Variants in LGR4 observed in about 807,000 individuals in gnomAD.
The protein encoded by LGR4 is leucine-rich repeat-containing G protein-coupled receptor 4.
A neutral mutation model predicts 84.8 loss-of-function variants in LGR4; 44 were observed. That is an observed-to-expected ratio of 0.52 (90% CI 0.41 to 0.67). The LOEUF (loss-of-function observed/expected upper bound fraction) is 0.67, where lower values mean the gene tolerates loss of function less well. Ranked by LOEUF, LGR4 falls within the 30% of genes least tolerant of loss-of-function variation. The pLI, the probability that LGR4 is intolerant of heterozygous loss-of-function variation, is 0.00. For missense variants in LGR4, 1,032 were observed against 1,131.4 expected, an observed-to-expected ratio of 0.91 and a Z score of 1.26; for synonymous variants, 429 against 434.3, an observed-to-expected ratio of 0.99 and a Z score of 0.15.
At chr11:27,407,987 G>T (rs1209431241) in intron 2 of LGR4, among the ~76,000 whole-genome samples, 1 of 152,088 alleles carries the variant, frequency 6.6e-6, no homozygotes, top group African/African-American at 2.4e-5. Context: ...GCAATATTTT[G>T]AAAGTCTGAA....
At chr11:27,449,273 AAT>A (rs141134470) in intron 1 of LGR4, among the ~76,000 whole-genome samples, 22,605 of 152,146 alleles carry the variant, frequency 0.15, 2,111 homozygotes, top group Non-Finnish European at 0.21. Context: ...GTTTAACAAA[AAT>A]CTATTCAATC....
At chr11:27,398,585 G>GC (rs368017693) in intron 2 of LGR4, among the ~76,000 whole-genome samples, 32 of 152,302 alleles carry the variant, frequency 2.1e-4, no homozygotes, top group African/African-American at 7.2e-4. Flanking sequence ...AGCAGCTGTT[G>GC]CGAGGAGACG....
chr11:27,463,809 A>C lies in LGR4; in HGVS notation c.185+8309T>G, dbSNP rs531334743. Reference sequence around the variant, plus strand: ...CTCAAAAAAACAAAACAAAACAAAAAAAATGACAGAAACATATTTGAAATG... The same window carrying C: ...CTCAAAAAAACAAAACAAAACAAAACAAATGACAGAAACATATTTGAAATG... On this transcript the variant is annotated intron_variant, in intron 1 of 17. Coordinates refer to ENST00000379214, the MANE Select transcript of LGR4 (RefSeq NM_018490.5). Among the ~76,000 whole-genome samples the C allele has an allele frequency of 3.3e-3, 499 of 152,288 alleles. 3 individuals are homozygous for C. The highest frequency in any genetic ancestry group is 0.011 in the African/African-American group (462 of 41,546).
intron 11 of LGR4, 110 bp downstream of exon 11, chr11:27,378,587 T>A (rs552395990): frequency 3.5e-5 from 27 of 766,474 alleles, no homozygotes; most frequent in Middle Eastern, 4.7e-4. Context: ...AACTAAGAAG[T>A]AATTATACCT....
At chr11:27,373,856 A>G in intron 14 of LGR4, 119 bp downstream of exon 14, 1 of 1,005,044 alleles carries the variant, frequency 9.9e-7, no homozygotes, top group Non-Finnish European at 1.5e-6. Flanking sequence ...AATACAGCTT[A>G]GCATTTATAC....
intron 1 of LGR4, among the ~76,000 whole-genome samples, chr11:27,441,503 A>C (rs1022444230): frequency 6.6e-6 from 1 of 152,236 alleles, no homozygotes; most frequent in African/African-American, 2.4e-5. Flanking sequence ...AAGAGGGTTA[A>C]GGACACTGAG....
chr11:27,472,084 C>T (rs771020541), intron 1 of LGR4, 34 bp downstream of exon 1: 9 of 133,902 alleles, frequency 6.7e-5, no homozygotes, highest in Non-Finnish European at 9.5e-5. Context: ...CCCGTTTCCT[C>T]CCCCCCCCTC....
chr11:27,396,869 G>C (rs1383326321), intron 2 of LGR4, among the ~76,000 whole-genome samples: 1 of 152,148 alleles, frequency 6.6e-6, no homozygotes, highest in Non-Finnish European at 1.5e-5. Context: ...ATGGTTTTCT[G>C]TTTGTGAAGG....
chr11:27,406,214 C>A (rs1863605451), intron 2 of LGR4, among the ~76,000 whole-genome samples: 1 of 152,140 alleles, frequency 6.6e-6, no homozygotes, highest in African/African-American at 2.4e-5. Flanking sequence ...AATTTTCCTT[C>A]CAATTTGAAT....
intron 1 of LGR4, among the ~76,000 whole-genome samples, chr11:27,452,469 A>T (rs1354108544): frequency 6.6e-6 from 1 of 152,124 alleles, no homozygotes; most frequent in Admixed American, 6.6e-5. Context: ...ATGGTAAGGA[A>T]CTGCTCCACC....
chr11:27,383,832 G>A (rs970647496), intron 6 of LGR4, among the ~76,000 whole-genome samples: 1 of 152,182 alleles, frequency 6.6e-6, no homozygotes, highest in Non-Finnish European at 1.5e-5. Flanking sequence ...GTGGTGCAAT[G>A]TACAGTTGAA....
intron 3 of LGR4, among the ~76,000 whole-genome samples, chr11:27,392,218 G>A (rs1011112169): frequency 3.7e-4 from 56 of 152,068 alleles, no homozygotes; most frequent in Admixed American, 3.7e-3. Flanking sequence ...ACATTCAACC[G>A]TAATATACTG....
chr11:27,378,289 GC>G (rs1863027286), intron 11 of LGR4, among the ~76,000 whole-genome samples: 1 of 152,044 alleles, frequency 6.6e-6, no homozygotes, highest in Non-Finnish European at 1.5e-5. Context: ...TTCTAGGTCA[GC>G]CTAAAGTTTT....
chr11:27,384,888 A>C (rs1863158756), intron 5 of LGR4, among the ~76,000 whole-genome samples: 1 of 152,146 alleles, frequency 6.6e-6, no homozygotes, highest in African/African-American at 2.4e-5. Flanking sequence ...CTCTCTGAAC[A>C]AGTGGAAAAC....
intron 1 of LGR4, among the ~76,000 whole-genome samples, chr11:27,418,763 A>T (rs552641847): frequency 4.7e-4 from 72 of 152,262 alleles, no homozygotes; most frequent in African/African-American, 1.5e-3. Flanking sequence ...AAATGAATTT[A>T]AAAAAACTTG....
chr11:27,439,684 T>C lies in LGR4; in HGVS notation c.186-26824A>G, dbSNP rs79430566. Among the ~76,000 whole-genome samples, 336 of 152,256 alleles carry C rather than the reference T, an allele frequency of 2.2e-3. 1 individual carries two copies. The highest frequency in any genetic ancestry group is 7.9e-3 in the African/African-American group (330 of 41,554). The stretch of plus-strand genomic sequence containing the variant: ...CCACAGAAACTATGTCATTTAACAT[T>C]CCCTTGGGTGCATTTTTACTCGGCA... On this transcript the variant is annotated intron_variant, in intron 1 of 17. Coordinates refer to ENST00000379214, the MANE Select transcript of LGR4 (RefSeq NM_018490.5).
intron 1 of LGR4, among the ~76,000 whole-genome samples, chr11:27,427,463 G>A (rs1864043860): frequency 6.6e-6 from 1 of 152,148 alleles, no homozygotes; most frequent in Non-Finnish European, 1.5e-5. Flanking sequence ...ACATTGGCAG[G>A]TACAGGCTGC....
chr11:27,387,850 C>T (rs1182508103), intron 4 of LGR4, among the ~76,000 whole-genome samples: 1 of 152,108 alleles, frequency 6.6e-6, no homozygotes, highest in Non-Finnish European at 1.5e-5. Context: ...ACAATGCCTC[C>T]ACTGATACAG....
intron 2 of LGR4, among the ~76,000 whole-genome samples, chr11:27,400,315 T>C (rs906329158): frequency 1.3e-5 from 2 of 152,090 alleles, no homozygotes; most frequent in African/African-American, 4.8e-5. Context: ...CAAGCAAGCT[T>C]ATCGCCCCCT....
Sources: allele counts gnomAD v4.1 joint callset (sites outside exome capture counted in the v4.1 genomes callset), GRCh38; gene constraint gnomAD v4.1.1; transcripts MANE v1.5; gene names NCBI Gene and HGNC (gene_info 2026-07-23, HGNC 2026-07-21).